Variants in TRPM3 observed in about 807,000 individuals in gnomAD.
TRPM3 encodes the protein long transient receptor potential channel 3.
A neutral mutation model predicts 181.2 loss-of-function variants in TRPM3; 77 were observed. That is an observed-to-expected ratio of 0.42 (90% CI 0.35 to 0.51). TRPM3 has a LOEUF of 0.51. Among genes scored for constraint, TRPM3 ranks in the 20% least tolerant of loss-of-function variants. The pLI, the probability that TRPM3 is intolerant of heterozygous loss-of-function variation, is 0.01. For synonymous variants in TRPM3, 745 were observed against 796.4 expected, an observed-to-expected ratio of 0.94 and a Z score of 1.09; for missense variants, 1,759 against 2,196.7, an observed-to-expected ratio of 0.80 and a Z score of 3.98.
At chr9:71,314,355 T>TC (rs2088330545) in intron 1 of TRPM3, among the ~76,000 whole-genome samples, 1 of 152,186 alleles carries the variant, frequency 6.6e-6, no homozygotes, top group South Asian at 2.1e-4. Flanking sequence ...TCCTTATTCT[T>TC]CAACATTTAA....
chr9:70,672,283 G>A (rs1400111808), intron 9 of TRPM3, among the ~76,000 whole-genome samples: 1 of 152,108 alleles, frequency 6.6e-6, no homozygotes, highest in Non-Finnish European at 1.5e-5. Context: ...GTACTCCCGG[G>A]ACCTTTCTGT....
At chr9:71,367,637 G>C (rs2092378461) in intron 1 of TRPM3, among the ~76,000 whole-genome samples, 1 of 152,102 alleles carries the variant, frequency 6.6e-6, no homozygotes, top group African/African-American at 2.4e-5. Flanking sequence ...AAAAGATCTA[G>C]TCCAGGTTCT....
chr9:71,331,726 G>A (rs2090138920), intron 1 of TRPM3, among the ~76,000 whole-genome samples: 1 of 114,092 alleles, frequency 8.8e-6, no homozygotes. Context: ...AGGAGGAAAA[G>A]GAGGAGAAAA....
chr9:70,937,565 T>C (rs1223555285), intron 1 of TRPM3, among the ~76,000 whole-genome samples: 1 of 152,222 alleles, frequency 6.6e-6, no homozygotes, highest in African/African-American at 2.4e-5. Flanking sequence ...AAAATTACAT[T>C]TTTAAATTGG....
At chr9:70,542,746 A>C (rs1490792126) in intron 25 of TRPM3, among the ~76,000 whole-genome samples, 1 of 152,204 alleles carries the variant, frequency 6.6e-6, no homozygotes, top group Non-Finnish European at 1.5e-5. Flanking sequence ...AATTTCAGAC[A>C]TTCCCTGAGT....
intron 5 of TRPM3, among the ~76,000 whole-genome samples, chr9:70,837,848 G>T (rs189970299): frequency 4.6e-5 from 7 of 152,228 alleles, no homozygotes; most frequent in Non-Finnish European, 4.4e-5. Flanking sequence ...CAACAATAAA[G>T]ATACTCTATC....
intron 12 of TRPM3, among the ~76,000 whole-genome samples, chr9:70,632,002 T>C (rs2065941671): frequency 6.6e-6 from 1 of 152,260 alleles, no homozygotes; most frequent in Non-Finnish European, 1.5e-5. Context: ...TCCTAACTCA[T>C]GAATAGCGTT....
chr9:71,009,830 A>G lies in TRPM3; in HGVS notation c.177+111348T>C, dbSNP rs188227402. On this transcript the variant is annotated intron_variant, in intron 1 of 25. Coordinates refer to ENST00000677713, the MANE Select transcript of TRPM3 (RefSeq NM_001366145.2). ...ATCATATTACCTTTCTTCCAAATACATTACAAAGCTATAGTAAGCAAAAAA... is the reference window on the plus strand; with the variant it reads ...ATCATATTACCTTTCTTCCAAATACGTTACAAAGCTATAGTAAGCAAAAAA... Among the ~76,000 whole-genome samples, 271 of 152,310 alleles carry G rather than the reference A, an allele frequency of 1.8e-3. 6 individuals are homozygous for G. Among genetic ancestry groups the G allele is most frequent in the Admixed American group, 0.015 (222 of 15,294 alleles).
At chr9:70,863,845 A>T (rs1396402943) in intron 2 of TRPM3, among the ~76,000 whole-genome samples, 1 of 152,128 alleles carries the variant, frequency 6.6e-6, no homozygotes, top group Non-Finnish European at 1.5e-5. Flanking sequence ...AATTTGCGCA[A>T]GGTTACACGG....
intron 1 of TRPM3, among the ~76,000 whole-genome samples, chr9:71,181,013 T>G (rs567173171): frequency 6.6e-6 from 1 of 152,246 alleles, no homozygotes; most frequent in Admixed American, 6.5e-5. Flanking sequence ...TTCTTTATGA[T>G]AATATAGTCA....
intron 1 of TRPM3, among the ~76,000 whole-genome samples, chr9:71,299,987 T>C (rs2086630849): frequency 6.6e-6 from 1 of 152,272 alleles, no homozygotes. Flanking sequence ...TAAAGTTAGC[T>C]AGGAGCTGTC....
At chr9:70,681,652 C>A (rs2065464126) in intron 8 of TRPM3, 74 bp from the exon 9 acceptor site, 2 of 1,216,668 alleles carry the variant, frequency 1.6e-6, no homozygotes, top group African/African-American at 3.0e-5. Flanking sequence ...GAGACCACAT[C>A]TGAGCAGAGA....
chr9:70,674,552 T>TTA lies in TRPM3; in HGVS notation c.1345+6952_1345+6953dup, dbSNP rs1438927985. On this transcript the variant is annotated intron_variant, in intron 9 of 25. Coordinates refer to ENST00000677713, the MANE Select transcript of TRPM3 (RefSeq NM_001366145.2). ...TGCATTCAGAAGTCATTTCAAAACA[T>TTA]TATATATATAATTTTTTTTTTGAGA... Among the ~76,000 whole-genome samples, 3 of 152,092 alleles carry TTA rather than the reference T, an allele frequency of 2.0e-5. No individual in the cohort carries two copies. The East Asian group carries it at 5.8e-4, about 29-fold the overall frequency.
chr9:70,648,314 G>A (rs1198054470), intron 9 of TRPM3, among the ~76,000 whole-genome samples: 1 of 152,010 alleles, frequency 6.6e-6, no homozygotes, highest in East Asian at 1.9e-4. Flanking sequence ...ATCTCTATAA[G>A]TAATACAAAA....
chr9:70,550,493 A>G (rs1036698089), intron 24 of TRPM3, among the ~76,000 whole-genome samples: 1 of 152,164 alleles, frequency 6.6e-6, no homozygotes, highest in Non-Finnish European at 1.5e-5. Context: ...ATTTATTTGC[A>G]TTATTGTTAG....
At chr9:70,637,919 T>C (rs966382329) in intron 11 of TRPM3, among the ~76,000 whole-genome samples, 15 of 152,188 alleles carry the variant, frequency 9.9e-5, no homozygotes, top group Non-Finnish European at 1.9e-4. Flanking sequence ...TCCAATGTAC[T>C]AGTATTAAGA....
At chr9:71,331,825 GGAAGAGGAGAGGGAGGAGGAGGAA>G (rs1565470420) in intron 1 of TRPM3, among the ~76,000 whole-genome samples, 20 of 1,158 alleles carry the variant, frequency 0.017, 1 homozygote, top group South Asian at 0.071. Context: ...GAGAGGAGAA[GGAAGAGGAGAGGGAGGAGGAGGAA>G]GAAGAGGAGA....
At chr9:70,892,851 A>G (rs566121812) in intron 1 of TRPM3, among the ~76,000 whole-genome samples, 1 of 152,348 alleles carries the variant, frequency 6.6e-6, no homozygotes, top group South Asian at 2.1e-4. Context: ...CAGTTGAACA[A>G]CAAAATAATA....
At chr9:70,778,812 T>C (rs528312025) in intron 7 of TRPM3, among the ~76,000 whole-genome samples, 1 of 152,208 alleles carries the variant, frequency 6.6e-6, no homozygotes, top group South Asian at 2.1e-4. Context: ...TAGATGGAAA[T>C]CTCTGGAGCA....
Sources: gnomAD v4.1 joint callset for allele counts (sites outside exome capture counted in the v4.1 genomes callset) on GRCh38, gnomAD v4.1.1 for gene constraint, MANE v1.5 for transcripts, NCBI Gene and HGNC (gene_info 2026-07-23, HGNC 2026-07-21) for gene names.